The following PHACTR1 variants were observed in gnomAD, a reference collection of about 807,000 sequenced individuals.
The protein encoded by PHACTR1 is RPEL repeat containing 1.
PHACTR1 carries 16 observed loss-of-function variants against 69.2 expected under a neutral mutation model. The ratio of observed to expected loss-of-function variants is 0.23; its 90% CI spans 0.16 to 0.35. The LOEUF (loss-of-function observed/expected upper bound fraction) is 0.35, where lower values mean the gene tolerates loss of function less well. Ranked by LOEUF, PHACTR1 falls within the 10% of genes least tolerant of loss-of-function variation. The pLI is 1.00. For missense variants in PHACTR1, 510 were observed against 734.7 expected (o/e 0.69, Z 3.54); for synonymous variants, 312 against 284.5 (o/e 1.10, Z -0.97).
At chr6:13,273,199 C>G (rs533937853) in intron 11 of PHACTR1, 38 of 397,212 alleles carry the variant, frequency 9.6e-5, no homozygotes, top group Non-Finnish European at 1.7e-4. Flanking sequence ...AGAGTGAGAC[C>G]ACTTATTATT....
At chr6:13,066,154 A>T (rs1173131730) in intron 5 of PHACTR1, among the ~76,000 whole-genome samples, 1 of 152,112 alleles carries the variant, frequency 6.6e-6, no homozygotes, top group Non-Finnish European at 1.5e-5. Flanking sequence ...AAAAGATGTA[A>T]TTGTTTCTTC....
chr6:13,036,868 A>G (rs1270253105), intron 4 of PHACTR1, among the ~76,000 whole-genome samples: 2 of 152,216 alleles, frequency 1.3e-5, no homozygotes, highest in Non-Finnish European at 2.9e-5. Flanking sequence ...TACTGAAACC[A>G]GAGCCTATCC....
chr6:13,083,850 G>T (rs1255096872), intron 5 of PHACTR1, among the ~76,000 whole-genome samples: 1 of 152,106 alleles, frequency 6.6e-6, no homozygotes, highest in African/African-American at 2.4e-5. Context: ...TTTGGGCTGA[G>T]ATGATGGGGT....
intron 8 of PHACTR1, among the ~76,000 whole-genome samples, chr6:13,207,229 C>A (rs916889110): frequency 2.0e-5 from 3 of 152,000 alleles, no homozygotes. Context: ...CTTTTTAATT[C>A]TGTGTATATT....
At chr6:13,211,092 T>G (rs914546476) in intron 8 of PHACTR1, among the ~76,000 whole-genome samples, 1 of 152,178 alleles carries the variant, frequency 6.6e-6, no homozygotes, top group Non-Finnish European at 1.5e-5. Context: ...TTAGTGACCC[T>G]GTTGTGGAAC....
chr6:12,986,467 A>G (rs1796199640), intron 4 of PHACTR1, among the ~76,000 whole-genome samples: 3 of 152,316 alleles, frequency 2.0e-5, no homozygotes, highest in Middle Eastern at 3.4e-3. Flanking sequence ...CTACTACTGT[A>G]TGGTTTCAGT....
intron 5 of PHACTR1, among the ~76,000 whole-genome samples, chr6:13,152,453 G>A (rs886991710): frequency 1.3e-5 from 2 of 152,192 alleles, no homozygotes; most frequent in Admixed American, 1.3e-4. Context: ...ACTGGCTTTC[G>A]TAAATACAGC....
At chr6:13,048,315 T>C (rs1475910916) in intron 4 of PHACTR1, among the ~76,000 whole-genome samples, 2 of 152,164 alleles carry the variant, frequency 1.3e-5, no homozygotes, top group African/African-American at 4.8e-5. Context: ...GGCTCAGCAT[T>C]TTCTCCAGAC....
At chr6:12,899,390 T>C (rs1389418958) in intron 4 of PHACTR1, among the ~76,000 whole-genome samples, 2 of 152,212 alleles carry the variant, frequency 1.3e-5, no homozygotes, top group East Asian at 3.9e-4. Flanking sequence ...ATATCAGCCT[T>C]TTACCTGTTA....
chr6:12,797,446 G>A (rs1773173154), intron 4 of PHACTR1, among the ~76,000 whole-genome samples: 1 of 152,208 alleles, frequency 6.6e-6, no homozygotes, highest in African/African-American at 2.4e-5. Context: ...GGACATGCAA[G>A]TGGAAGGTAA....
At chr6:13,165,391 T>G (rs1272605738) in intron 6 of PHACTR1, among the ~76,000 whole-genome samples, 1 of 152,194 alleles carries the variant, frequency 6.6e-6, no homozygotes, top group Non-Finnish European at 1.5e-5. Flanking sequence ...TAAACAAAGT[T>G]CTCCTTGGCT....
intron 5 of PHACTR1, among the ~76,000 whole-genome samples, chr6:13,093,153 A>G (rs1813560043): frequency 6.6e-6 from 1 of 152,216 alleles, no homozygotes; most frequent in South Asian, 2.1e-4. Context: ...TGTTATTTAG[A>G]AACAGGTATT....
chr6:13,173,070 T>C (rs953589882), intron 6 of PHACTR1, among the ~76,000 whole-genome samples: 3 of 152,218 alleles, frequency 2.0e-5, no homozygotes, highest in Non-Finnish European at 4.4e-5. Flanking sequence ...TACAGTCCCC[T>C]GTAGTGTCTG....
intron 3 of PHACTR1, among the ~76,000 whole-genome samples, chr6:12,732,986 T>G (rs1327576837): frequency 6.6e-6 from 1 of 152,242 alleles, no homozygotes; most frequent in Admixed American, 6.5e-5. Context: ...TCAGCCCATC[T>G]GTAGACACAA....
At chr6:12,939,817 T>C (rs541934543) in intron 4 of PHACTR1, among the ~76,000 whole-genome samples, 1 of 152,290 alleles carries the variant, frequency 6.6e-6, no homozygotes, top group East Asian at 1.9e-4. Flanking sequence ...CTGTTTCTTG[T>C]TGATTGTTCA....
At chr6:12,724,446 C>G (rs1218806706) in intron 3 of PHACTR1, among the ~76,000 whole-genome samples, 1 of 152,222 alleles carries the variant, frequency 6.6e-6, no homozygotes, top group Non-Finnish European at 1.5e-5. Context: ...GAATCCTATG[C>G]TCATGTTGCA....
At chr6:13,185,903 A>C (rs1449959456) in intron 7 of PHACTR1, among the ~76,000 whole-genome samples, 1 of 152,226 alleles carries the variant, frequency 6.6e-6, no homozygotes, top group Admixed American at 6.5e-5. Flanking sequence ...GGTTCAAGAA[A>C]AATAAGTGAC....
intron 4 of PHACTR1, among the ~76,000 whole-genome samples, chr6:13,009,089 T>C (rs1392328471): frequency 1.3e-5 from 2 of 152,180 alleles, no homozygotes; most frequent in Non-Finnish European, 2.9e-5. Flanking sequence ...CATCTTCACA[T>C]TGTCTTCTCC....
At chr6:12,793,276 T>G (rs955116664) in intron 4 of PHACTR1, among the ~76,000 whole-genome samples, 2 of 152,184 alleles carry the variant, frequency 1.3e-5, no homozygotes, top group Non-Finnish European at 2.9e-5. Context: ...TTTTATTGGG[T>G]TATAAAATCT....
Sources: allele counts gnomAD v4.1 joint callset (sites outside exome capture counted in the v4.1 genomes callset), GRCh38; gene constraint gnomAD v4.1.1; transcripts MANE v1.5; gene names NCBI Gene and HGNC (gene_info 2026-07-23, HGNC 2026-07-21).